The following ATG5 variants were observed in gnomAD, a reference collection of about 807,000 sequenced individuals.
The protein encoded by ATG5 is autophagy protein 5.
Under a neutral mutation model 36.5 loss-of-function variants are expected in ATG5, and 14 were observed. That is an observed-to-expected ratio of 0.38 (90% CI 0.25 to 0.60). The LOEUF is 0.60. ATG5 is among the 20% of genes least tolerant of loss of function. The pLI, the probability that ATG5 is intolerant of heterozygous loss-of-function variation, is 0.60. For synonymous variants in ATG5, 95 were observed against 101.5 expected (o/e 0.94, Z 0.38); for missense variants, 195 against 326.7 (o/e 0.60, Z 3.11).
In ATG5 at chr6:106,269,068, CTGAT is replaced by C. The variant is rs1435888446; in HGVS notation, c.478+10589_478+10592del. 2.6e-5 allele frequency among the ~76,000 whole-genome samples: 4 copies of C among 152,324 alleles called. No homozygotes were observed. In the East Asian group the frequency reaches 7.7e-4, roughly 29 times the overall value. On this transcript the variant is annotated intron_variant, in intron 5 of 7. Coordinates refer to ENST00000369076, the MANE Select transcript of ATG5 (RefSeq NM_004849.4). ...AAATAAAATAAAAGTTTTCCATTCT[CTGAT>C]TGGTGCGTTTACAATCCCTGAGCTA...
At chr6:106,309,275 G>A (rs1015124039) in intron 2 of ATG5, among the ~76,000 whole-genome samples, 10 of 152,022 alleles carry the variant, frequency 6.6e-5, no homozygotes, top group Admixed American at 5.2e-4. Context: ...GATATCTTTT[G>A]ACTAATAAAT....
chr6:106,277,404 TC>T (rs1475707501), intron 5 of ATG5, among the ~76,000 whole-genome samples: 1 of 152,252 alleles, frequency 6.6e-6, no homozygotes, highest in East Asian at 1.9e-4. Context: ...GCAGAAGTAA[TC>T]ATGCAAGTTA....
chr6:106,234,045 A>C (rs932389657), intron 6 of ATG5, among the ~76,000 whole-genome samples: 1 of 152,116 alleles, frequency 6.6e-6, no homozygotes, highest in African/African-American at 2.4e-5. Context: ...AAAATGATTA[A>C]TCCTAGTTGT....
chr6:106,208,236 A>G (rs1776713307), intron 6 of ATG5, among the ~76,000 whole-genome samples: 1 of 152,228 alleles, frequency 6.6e-6, no homozygotes, highest in Admixed American at 6.5e-5. Context: ...GTGTAAACAC[A>G]TATGTGTATA....
intron 7 of ATG5, among the ~76,000 whole-genome samples, chr6:106,201,403 A>T (rs965501182): frequency 1.3e-5 from 2 of 152,156 alleles, no homozygotes; most frequent in Non-Finnish European, 2.9e-5. Flanking sequence ...GAAAAACAGA[A>T]TTCAGAAATT....
At chr6:106,260,635 A>G (rs953131471) in intron 5 of ATG5, among the ~76,000 whole-genome samples, 1 of 152,204 alleles carries the variant, frequency 6.6e-6, no homozygotes, top group Non-Finnish European at 1.5e-5. Context: ...CTGAATGCTA[A>G]TTAAAATACC....
At chr6:106,228,104 A>G (rs1777516372) in intron 6 of ATG5, among the ~76,000 whole-genome samples, 2 of 152,160 alleles carry the variant, frequency 1.3e-5, no homozygotes, top group African/African-American at 4.8e-5. Flanking sequence ...ACCAGTCCAT[A>G]AACTATTTGG....
At chr6:106,229,305 A>T (rs1423170382) in intron 6 of ATG5, among the ~76,000 whole-genome samples, 1 of 152,210 alleles carries the variant, frequency 6.6e-6, no homozygotes. Context: ...ATGGGCAGTT[A>T]TGTGGGACCT....
intron 6 of ATG5, among the ~76,000 whole-genome samples, chr6:106,205,750 TATG>T (rs1776606608): frequency 6.6e-6 from 1 of 152,210 alleles, no homozygotes; most frequent in African/African-American, 2.4e-5. Flanking sequence ...AACAATCTTT[TATG>T]ATGAGGTATT....
intron 6 of ATG5, among the ~76,000 whole-genome samples, chr6:106,208,333 A>T (rs555779659): frequency 6.0e-4 from 89 of 148,754 alleles, no homozygotes; most frequent in African/African-American, 2.0e-3. Flanking sequence ...TGCACAACAC[A>T]ATTCTGACAC....
At chr6:106,308,807 G>T (rs1020123311) in intron 2 of ATG5, among the ~76,000 whole-genome samples, 6 of 152,140 alleles carry the variant, frequency 3.9e-5, no homozygotes, top group Non-Finnish European at 7.4e-5. Context: ...ATACTTATTG[G>T]TTCTATAAAA....
intron 1 of ATG5, among the ~76,000 whole-genome samples, chr6:106,320,121 G>T (rs954770948): frequency 6.6e-6 from 1 of 152,168 alleles, no homozygotes; most frequent in Non-Finnish European, 1.5e-5. Flanking sequence ...AATAAATGGC[G>T]GAGCCAAAAT....
intron 5 of ATG5, among the ~76,000 whole-genome samples, chr6:106,256,468 T>C (rs560439737): frequency 1.5e-4 from 23 of 152,302 alleles, no homozygotes; most frequent in African/African-American, 4.6e-4. Flanking sequence ...TTCTAATATA[T>C]AGCCAGCGTT....
chr6:106,193,780 A>C (rs1167215461), intron 7 of ATG5, among the ~76,000 whole-genome samples: 1 of 152,212 alleles, frequency 6.6e-6, no homozygotes, highest in African/African-American at 2.4e-5. Context: ...TACTTGCTTT[A>C]TTTAAAATAT....
At chr6:106,212,177 A>G (rs1236051449) in intron 6 of ATG5, among the ~76,000 whole-genome samples, 1 of 152,248 alleles carries the variant, frequency 6.6e-6, no homozygotes, top group Admixed American at 6.5e-5. Context: ...TCAAGAAGTG[A>G]AAAAGACTGC....
chr6:106,228,290 G>A (rs1243157167), intron 6 of ATG5, among the ~76,000 whole-genome samples: 1 of 152,146 alleles, frequency 6.6e-6, no homozygotes, highest in Non-Finnish European at 1.5e-5. Flanking sequence ...TCGCAGGCCT[G>A]CCACTGACTT....
chr6:106,260,540 T>C (rs1247109117), intron 5 of ATG5, among the ~76,000 whole-genome samples: 6 of 152,218 alleles, frequency 3.9e-5, no homozygotes, highest in Non-Finnish European at 7.3e-5. Flanking sequence ...TGCTTTATTT[T>C]AGATGAACAA....
intron 2 of ATG5, among the ~76,000 whole-genome samples, chr6:106,314,762 A>G (rs1310216965): frequency 9.2e-5 from 14 of 152,212 alleles, no homozygotes; most frequent in Admixed American, 9.2e-4. Flanking sequence ...TTACAGAACA[A>G]GAACAGAAAA....
chr6:106,203,721 C>T (rs1449213755), intron 6 of ATG5, among the ~76,000 whole-genome samples: 3 of 152,208 alleles, frequency 2.0e-5, no homozygotes, highest in Non-Finnish European at 4.4e-5. Flanking sequence ...GCTGGGACTA[C>T]AGGTGTGAGC....
Sources: allele counts gnomAD v4.1 joint callset (sites outside exome capture counted in the v4.1 genomes callset), GRCh38; gene constraint gnomAD v4.1.1; transcripts MANE v1.5; gene names NCBI Gene and HGNC (gene_info 2026-07-23, HGNC 2026-07-21).